GABRB1: variants seen among roughly 807,000 people sequenced by gnomAD.
GABRB1 encodes gamma-aminobutyric acid receptor subunit beta-1.
Under a neutral mutation model 51.6 loss-of-function variants are expected in GABRB1, and 17 were observed. The observed-to-expected ratio is 0.33, with a 90% CI of 0.23 to 0.49. The LOEUF is 0.49. GABRB1 is among the 20% of genes least tolerant of loss of function. The probability of loss-of-function intolerance (pLI) is 0.99; values close to 1 mark genes in which losing one functional copy is unlikely to be tolerated. For missense variants in GABRB1, 410 were observed against 600.6 expected (o/e 0.68, Z 3.32); for synonymous variants, 247 against 218.9 (o/e 1.13, Z -1.14).
In GABRB1 at chr4:47,105,679, C is replaced by T. The variant is rs142503244; in HGVS notation, c.241-55570C>T. On this transcript the variant is annotated intron_variant, in intron 3 of 8. Coordinates refer to ENST00000295454, the MANE Select transcript of GABRB1 (RefSeq NM_000812.4). ...AGAATTTTATGGCTTTTGTTCAGGA[C>T]GGGAAATAAGGAAGAAACATCCGAG... is the stretch of plus-strand genomic sequence containing the variant. Among the ~76,000 whole-genome samples, 113 of 152,142 alleles carry T rather than the reference C, an allele frequency of 7.4e-4. No individual in the cohort carries two copies. The East Asian group carries it at 9.9e-3, about 13-fold the overall frequency.
chr4:47,089,350 G>A (rs896860278), intron 3 of GABRB1, among the ~76,000 whole-genome samples: 1 of 152,110 alleles, frequency 6.6e-6, no homozygotes, highest in South Asian at 2.1e-4. Flanking sequence ...CCTTGACTAG[G>A]GAACGAAAGG....
chr4:47,042,458 T>C (rs1577852855), intron 3 of GABRB1, among the ~76,000 whole-genome samples: 1 of 145,780 alleles, frequency 6.9e-6, no homozygotes, highest in East Asian at 2.0e-4. Flanking sequence ...TGTGTGAGTA[T>C]GTGCACAGTA....
rs538287849 is a variant in GABRB1 at position 47,019,090 on chromosome 4, A to C, written c.-19-12824A>C. On this transcript the variant is annotated intron_variant, in intron 1 of 3. Transcript: ENST00000513567. ...ATAATTTGACACTCCAGACCTCAAA[A>C]CTCAAGACCTCAAAATCCACTAAGC... is the stretch of plus-strand genomic sequence containing the variant. Among the ~76,000 whole-genome samples, 3 of 152,280 alleles carry C rather than the reference A, an allele frequency of 2.0e-5. No homozygotes were observed. In the East Asian group the frequency reaches 5.8e-4, roughly 29 times the overall value.
intron 4 of GABRB1, among the ~76,000 whole-genome samples, chr4:47,317,579 A>G (rs1399727029): frequency 1.3e-5 from 2 of 151,990 alleles, no homozygotes; most frequent in East Asian, 1.9e-4. Context: ...TTGAAAAAAA[A>G]TTTAATTAAA....
At chr4:47,246,337 C>CATATATAT (rs60968247) in intron 4 of GABRB1, among the ~76,000 whole-genome samples, 10 of 53,324 alleles carry the variant, frequency 1.9e-4, no homozygotes, top group Non-Finnish European at 3.7e-4. Context: ...CACATATGTA[C>CATATATAT]ATATATATAT....
At chr4:47,030,169 T>A (rs1038872380), upstream of GABRB1, among the ~76,000 whole-genome samples, 5 of 152,182 alleles carry the variant, frequency 3.3e-5, no homozygotes, top group African/African-American at 1.2e-4. Flanking sequence ...CATTTTCCAT[T>A]TATCTAGGTC....
chr4:47,384,576 T>A (rs1727719887), intron 5 of GABRB1, among the ~76,000 whole-genome samples: 1 of 152,156 alleles, frequency 6.6e-6, no homozygotes, highest in African/African-American at 2.4e-5. Context: ...ATTGAGGATA[T>A]AAGGTGGTCT....
intron 4 of GABRB1, among the ~76,000 whole-genome samples, chr4:47,231,734 A>G (rs1030933404): frequency 2.0e-5 from 3 of 152,214 alleles, no homozygotes; most frequent in East Asian, 1.9e-4. Context: ...GGAACACTAT[A>G]GTGGGTACTC....
At chr4:47,401,711 T>C (rs1433507765) in intron 5 of GABRB1, among the ~76,000 whole-genome samples, 3 of 152,240 alleles carry the variant, frequency 2.0e-5, no homozygotes, top group African/African-American at 4.8e-5. Flanking sequence ...AGCTGTCATA[T>C]TGCCACTAAC....
At chr4:47,422,469 T>C (rs1454213084) in intron 8 of GABRB1, among the ~76,000 whole-genome samples, 1 of 152,240 alleles carries the variant, frequency 6.6e-6, no homozygotes, top group African/African-American at 2.4e-5. Context: ...TCAGCTCTTA[T>C]TCTAAGACCG....
Position 47,240,641 on chromosome 4 carries a change from C to T in GABRB1, c.461+79172C>T, listed in dbSNP as rs922135013. 1.1e-4 allele frequency among the ~76,000 whole-genome samples: 16 copies of T among 152,162 alleles called. No homozygotes were observed. The East Asian group carries it at 3.1e-3, about 29-fold the overall frequency. On this transcript the variant is annotated intron_variant, in intron 4 of 8. Transcript: ENST00000295454. Reference sequence around the variant, plus strand: ...ATCCAGAACCACAAAGAACTAATTGCCTTTCCTTTCATGGCATAAGAATAT... The same window carrying T: ...ATCCAGAACCACAAAGAACTAATTGTCTTTCCTTTCATGGCATAAGAATAT...
chr4:47,332,905 C>G (rs375711208), intron 5 of GABRB1, among the ~76,000 whole-genome samples: 1 of 151,740 alleles, frequency 6.6e-6, no homozygotes, highest in East Asian at 1.9e-4. Context: ...ACTATTCTTT[C>G]TTTTATTTCC....
chr4:47,104,618 G>C (rs1714875129), intron 3 of GABRB1, among the ~76,000 whole-genome samples: 1 of 151,176 alleles, frequency 6.6e-6, no homozygotes, highest in Non-Finnish European at 1.5e-5. Context: ...CTTTTTTGCT[G>C]TCTTACTCTT....
At chr4:47,312,577 A>G (rs1010176486) in intron 4 of GABRB1, among the ~76,000 whole-genome samples, 3 of 152,214 alleles carry the variant, frequency 2.0e-5, no homozygotes, top group African/African-American at 7.2e-5. Context: ...ACTGATATCA[A>G]TCTTGTAACA....
chr4:47,123,835 T>TTA (rs1348195092), intron 3 of GABRB1, among the ~76,000 whole-genome samples: 13 of 89,318 alleles, frequency 1.5e-4, no homozygotes, highest in South Asian at 8.6e-4. Flanking sequence ...ATATTATATA[T>TTA]TATATTATAT....
intron 8 of GABRB1, among the ~76,000 whole-genome samples, chr4:47,422,587 T>C (rs1342191140): frequency 6.6e-6 from 1 of 152,152 alleles, no homozygotes; most frequent in Non-Finnish European, 1.5e-5. Flanking sequence ...TCCTTGAGTT[T>C]CTCTTCATAG....
At chr4:47,380,653 A>G (rs138276321) in intron 5 of GABRB1, among the ~76,000 whole-genome samples, 219 of 152,368 alleles carry the variant, frequency 1.4e-3, no homozygotes, top group African/African-American at 4.9e-3. Flanking sequence ...AGAGTACTTC[A>G]GCATCCTCTT....
At chr4:47,024,282 T>C (rs1725018457) in intron 1 of GABRB1, among the ~76,000 whole-genome samples, 2 of 151,998 alleles carry the variant, frequency 1.3e-5, no homozygotes, top group African/African-American at 4.8e-5. Context: ...GATATTGATT[T>C]TTCTTAAAGG....
chr4:47,220,957 A>G (rs933325578), intron 4 of GABRB1, among the ~76,000 whole-genome samples: 2 of 152,038 alleles, frequency 1.3e-5, no homozygotes, highest in East Asian at 3.9e-4. Flanking sequence ...ACTTTAAAAA[A>G]TAGTATTAAG....
Sources: gnomAD v4.1 joint callset for allele counts (sites outside exome capture counted in the v4.1 genomes callset) on GRCh38, gnomAD v4.1.1 for gene constraint, MANE v1.5 for transcripts, NCBI Gene and HGNC (gene_info 2026-07-23, HGNC 2026-07-21) for gene names.